The following CLSTN2 variants were observed in gnomAD, a reference collection of about 807,000 sequenced individuals.
CLSTN2 encodes the protein calsyntenin-2.
CLSTN2 carries 48 observed loss-of-function variants against 101.2 expected under a neutral mutation model. The observed-to-expected ratio is 0.47, with a 90% CI of 0.38 to 0.60. The LOEUF (loss-of-function observed/expected upper bound fraction) is 0.60. Among genes scored for constraint, CLSTN2 ranks in the 20% least tolerant of loss-of-function variants. The pLI, the probability that CLSTN2 is intolerant of heterozygous loss-of-function variation, is 0.00. For synonymous variants in CLSTN2, 481 were observed against 463.6 expected (o/e 1.04, Z -0.48); for missense variants, 1,160 against 1,238.2 (o/e 0.94, Z 0.95).
At chr3:140,466,754 G>A in intron 8 of CLSTN2, 23 bp downstream of exon 8, 1 of 1,613,504 alleles carries the variant, frequency 6.2e-7, no homozygotes, top group Non-Finnish European at 8.5e-7. Context: ...CCTCACACCT[G>A]CTGCTACTCA....
chr3:140,209,609 A>G (rs1427704818), intron 2 of CLSTN2, among the ~76,000 whole-genome samples: 3 of 151,974 alleles, frequency 2.0e-5, no homozygotes, highest in African/African-American at 7.3e-5. Context: ...GAGCTTTTTA[A>G]GGCTCTGTTG....
At chr3:140,101,209 A>G (rs1275406475) in intron 1 of CLSTN2, among the ~76,000 whole-genome samples, 1 of 152,140 alleles carries the variant, frequency 6.6e-6, no homozygotes, top group Non-Finnish European at 1.5e-5. Context: ...GCACTCAGTA[A>G]ATTTGAGTTC....
intron 2 of CLSTN2, among the ~76,000 whole-genome samples, chr3:140,266,138 C>T (rs924339178): frequency 6.6e-6 from 1 of 152,180 alleles, no homozygotes; most frequent in Admixed American, 6.5e-5. Flanking sequence ...TGTCTGATCT[C>T]TCTCTGCACT....
At position 140,481,560 on chromosome 3, in the gene CLSTN2, T is replaced by C. The variant is rs531337558; in HGVS notation, c.1344+14829T>C. Among the ~76,000 whole-genome samples the C allele has an allele frequency of 1.2e-3, 184 of 152,332 alleles. 1 individual carries two copies. Among genetic ancestry groups the C allele is most frequent in the Admixed American group, 2.7e-3 (42 of 15,302 alleles). ...GGGCAGTATGGCCATTTTCACGATATTGATTCTTCCTACCCATGAGCATGG... is the reference window on the plus strand; with the variant it reads ...GGGCAGTATGGCCATTTTCACGATACTGATTCTTCCTACCCATGAGCATGG... On this transcript the variant is annotated intron_variant, in intron 8 of 16. Coordinates refer to ENST00000458420, the MANE Select transcript of CLSTN2 (RefSeq NM_022131.3).
intron 9 of CLSTN2, among the ~76,000 whole-genome samples, chr3:140,536,275 T>A (rs1404246737): frequency 2.0e-5 from 3 of 152,064 alleles, no homozygotes; most frequent in Admixed American, 2.0e-4. Context: ...GACTAGATGC[T>A]AGGCACATCT....
intron 2 of CLSTN2, among the ~76,000 whole-genome samples, chr3:140,280,653 GA>G (rs2086836998): frequency 6.6e-6 from 1 of 152,184 alleles, no homozygotes; most frequent in Non-Finnish European, 1.5e-5. Context: ...TGTAGAACTA[GA>G]GCTTCTTACA....
chr3:140,386,788 C>T (rs1385364134), intron 2 of CLSTN2, among the ~76,000 whole-genome samples: 1 of 152,168 alleles, frequency 6.6e-6, no homozygotes, highest in East Asian at 1.9e-4. Context: ...AGAGCCAAGG[C>T]CTGTGCACAG....
intron 2 of CLSTN2, among the ~76,000 whole-genome samples, chr3:140,361,945 C>T (rs768731788): frequency 1.8e-4 from 27 of 152,036 alleles, no homozygotes; most frequent in African/African-American, 2.7e-4. Context: ...ACCAAAATTC[C>T]GGTAGGCTTT....
At chr3:140,399,515 T>G (rs1696820233) in intron 2 of CLSTN2, among the ~76,000 whole-genome samples, 1 of 152,250 alleles carries the variant, frequency 6.6e-6, no homozygotes, top group Non-Finnish European at 1.5e-5. Flanking sequence ...ATTATTAGCT[T>G]GAATTTTACC....
intron 1 of CLSTN2, among the ~76,000 whole-genome samples, chr3:139,988,673 G>A (rs1022970514): frequency 1.2e-4 from 19 of 152,248 alleles, no homozygotes; most frequent in Non-Finnish European, 2.8e-4. Flanking sequence ...AGGCAAGGTG[G>A]TACCGTGGTG....
chr3:140,089,087 T>G (rs2008726965), intron 1 of CLSTN2, among the ~76,000 whole-genome samples: 1 of 152,212 alleles, frequency 6.6e-6, no homozygotes, highest in Non-Finnish European at 1.5e-5. Flanking sequence ...TCTCTGTCCC[T>G]CTTTCCTGAA....
chr3:140,066,985 C>T (rs17340601), intron 1 of CLSTN2, among the ~76,000 whole-genome samples: 3,478 of 152,320 alleles, frequency 0.023, 62 homozygotes, highest in Non-Finnish European at 0.033. Flanking sequence ...AAGTGGATTT[C>T]ATCAATCTCA....
intron 1 of CLSTN2, among the ~76,000 whole-genome samples, chr3:139,966,174 C>A (rs1935595237): frequency 1.3e-5 from 2 of 152,170 alleles, no homozygotes; most frequent in Non-Finnish European, 2.9e-5. Flanking sequence ...GGGGTAACTG[C>A]AGAAACTTCC....
At chr3:140,333,808 T>A (rs1444829822) in intron 2 of CLSTN2, among the ~76,000 whole-genome samples, 1 of 152,084 alleles carries the variant, frequency 6.6e-6, no homozygotes, top group African/African-American at 2.4e-5. Context: ...GTTGGTGAGT[T>A]AATTTGAACA....
chr3:140,216,936 T>C (rs1053545343), intron 2 of CLSTN2, among the ~76,000 whole-genome samples: 4 of 152,170 alleles, frequency 2.6e-5, no homozygotes, highest in African/African-American at 9.7e-5. Flanking sequence ...TACTAACTCA[T>C]AGTCCTTATA....
chr3:140,485,851 G>A (rs141958625), intron 8 of CLSTN2, among the ~76,000 whole-genome samples: 82 of 152,148 alleles, frequency 5.4e-4, no homozygotes, highest in African/African-American at 1.6e-3. Context: ...TCCAGGTGCC[G>A]TCTGTCACCC....
chr3:140,019,939 A>G (rs1408764745), intron 1 of CLSTN2, among the ~76,000 whole-genome samples: 1 of 152,128 alleles, frequency 6.6e-6, no homozygotes, highest in Non-Finnish European at 1.5e-5. Flanking sequence ...GGGGAAGGTG[A>G]TGAATGTTCT....
chr3:140,240,152 G>GTCTCTCTCTC (rs1491524600), intron 2 of CLSTN2, among the ~76,000 whole-genome samples: 3 of 62,796 alleles, frequency 4.8e-5, no homozygotes, highest in African/African-American at 1.9e-4. Flanking sequence ...CTCTCTCTCT[G>GTCTCTCTCTC]TCTCTCTCTC....
intron 4 of CLSTN2, among the ~76,000 whole-genome samples, chr3:140,416,406 CTA>C (rs2107987134): frequency 6.6e-6 from 1 of 152,084 alleles, no homozygotes; most frequent in East Asian, 1.9e-4. Context: ...AGAAAGGTAA[CTA>C]TGTGACATGA....
Sources: gnomAD v4.1 joint callset for allele counts (sites outside exome capture counted in the v4.1 genomes callset) on GRCh38, gnomAD v4.1.1 for gene constraint, MANE v1.5 for transcripts, NCBI Gene and HGNC (gene_info 2026-07-23, HGNC 2026-07-21) for gene names.